The following TPD52L2 variants were observed in gnomAD, a reference collection of about 807,000 sequenced individuals.
TPD52L2 encodes the protein TPD52 like 2.
In TPD52L2, 19 loss-of-function variants were observed where a neutral mutation model predicts 24.7. That is an observed-to-expected ratio of 0.77 (90% CI 0.54 to 1.13). The LOEUF is 1.13. Among genes scored for constraint, TPD52L2 ranks in the 50% most tolerant of loss-of-function variants. TPD52L2 has a pLI of 0.00. For synonymous variants in TPD52L2, 104 were observed against 100.2 expected (o/e 1.04, Z -0.23); for missense variants, 236 against 250.4 (o/e 0.94, Z 0.39).
In TPD52L2 at chr20:63,890,050, C is replaced by T. The variant is rs941660698; in HGVS notation, c.*105C>T. 37 of 1,561,062 alleles carry T rather than the reference C, an allele frequency of 2.4e-5. No homozygotes were observed. The highest frequency in any genetic ancestry group is 3.5e-4 in the Middle Eastern group (2 of 5,740). ...GCCAGCCAGGGCGGATGAGCAGAGC[C>T]GGCCCTGAGGACAGTCCTGCCCATC... On this transcript the variant is annotated 3_prime_UTR_variant, in exon 7 of 7. Coordinates refer to ENST00000346249, the MANE Select transcript of TPD52L2 (RefSeq NM_003288.4).
intron 1 of TPD52L2, among the ~76,000 whole-genome samples, chr20:63,865,965 ACAGTCTCCCCAGAG>A (rs1477477377): frequency 3.3e-5 from 5 of 152,138 alleles, no homozygotes; most frequent in Admixed American, 1.3e-4. Flanking sequence ...TGTTTCCAGA[ACAGTCTCCCCAGAG>A]CAGTATGAGA....
At chr20:63,874,229 TGTG>T (rs1202915685) in intron 3 of TPD52L2, among the ~76,000 whole-genome samples, 1,872 of 95,616 alleles carry the variant, frequency 0.02, 50 homozygotes, top group African/African-American at 0.069. Context: ...TTTTTTTTTT[TGTG>T]TGTGTGTGTG....
At chr20:63,887,498 G>C in intron 5 of TPD52L2, 2 of 1,558,930 alleles carry the variant, frequency 1.3e-6, no homozygotes, top group South Asian at 2.2e-5. Flanking sequence ...TGCCAAGTTG[G>C]GGTTGTGTGT....
intron 5 of TPD52L2, chr20:63,887,780 G>A: frequency 3.0e-6 from 2 of 658,202 alleles, no homozygotes; most frequent in Non-Finnish European, 5.3e-6. Flanking sequence ...GGCTGACGAG[G>A]AAGAGCTGGT....
At chr20:63,873,406 T>A (rs2052540522) in intron 2 of TPD52L2, among the ~76,000 whole-genome samples, 1 of 151,848 alleles carries the variant, frequency 6.6e-6, no homozygotes, top group Non-Finnish European at 1.5e-5. Flanking sequence ...GGAGAATCAC[T>A]TGAATCTGAA....
chr20:63,867,879 C>T (rs2052316099), intron 1 of TPD52L2, among the ~76,000 whole-genome samples: 1 of 150,196 alleles, frequency 6.7e-6, no homozygotes, highest in African/African-American at 2.4e-5. Flanking sequence ...CTCAGGTGAT[C>T]CGCCCGCCTC....
intron 2 of TPD52L2, among the ~76,000 whole-genome samples, chr20:63,872,189 C>T (rs2052493636): frequency 1.3e-5 from 2 of 151,966 alleles, no homozygotes. Context: ...AGGTTTGGAA[C>T]TGACCTCAGG....
chr20:63,872,025 C>T (rs1361679176), intron 2 of TPD52L2, among the ~76,000 whole-genome samples: 2 of 151,214 alleles, frequency 1.3e-5, no homozygotes, highest in Non-Finnish European at 2.9e-5. Context: ...AATGATGCCC[C>T]TTTCAGAGGT....
intron 2 of TPD52L2, 36 bp from the exon 3 acceptor site, chr20:63,873,632 A>G (rs2052549527): frequency 1.9e-6 from 3 of 1,607,524 alleles, no homozygotes; most frequent in Non-Finnish European, 2.5e-6. Context: ...TTCCTGCAGT[A>G]GTGATGGCTC....
At chr20:63,881,431 G>A (rs746826455) in intron 4 of TPD52L2, among the ~76,000 whole-genome samples, 18 of 152,104 alleles carry the variant, frequency 1.2e-4, no homozygotes, top group African/African-American at 3.9e-4. Flanking sequence ...AGAGAGCTGC[G>A]CTGGGATGCG....
intron 4 of TPD52L2, among the ~76,000 whole-genome samples, chr20:63,881,373 A>AT (rs2052892727): frequency 6.7e-6 from 1 of 150,324 alleles, no homozygotes. Flanking sequence ...AAAAAAAAAA[A>AT]GAAAGAAAGT....
At position 63,877,015 on chromosome 20, in the gene TPD52L2, G is replaced by T. The variant is rs1373878083; in HGVS notation, c.374+1140G>T. 4 of 444,920 alleles carry T rather than the reference G, an allele frequency of 9.0e-6. No individual in the cohort carries two copies. Among genetic ancestry groups the T allele is most frequent in the Non-Finnish European group, 1.8e-5 (4 of 224,166 alleles). 27.6% of individuals were successfully genotyped at this position (444,920 alleles called of 1,614,324 possible). A position where few individuals can be genotyped will look rare whatever the true frequency, so the allele number is the denominator to read the frequency against. On this transcript the variant is annotated intron_variant, in intron 4 of 6. Coordinates refer to ENST00000346249, the MANE Select transcript of TPD52L2 (RefSeq NM_003288.4). The surrounding 1 kb of genome is among the most constrained non-coding windows in gnomAD (Gnocchi z 4.1). The stretch of plus-strand genomic sequence containing the variant: ...GGTGGTTCATGGCATGTTGCCCTGG[G>T]TTTTTTTTGTTTGTTTGGTTTTTTT...
intron 5 of TPD52L2, chr20:63,886,138 G>A (rs978936000): frequency 2.3e-5 from 29 of 1,259,594 alleles, no homozygotes; most frequent in Non-Finnish European, 2.8e-5. Context: ...GCTAGTAGAG[G>A]GCAGTGAAAG....
chr20:63,885,621 A>G (rs1043153431), intron 5 of TPD52L2, among the ~76,000 whole-genome samples: 1 of 152,216 alleles, frequency 6.6e-6, no homozygotes, highest in Admixed American at 6.5e-5. Context: ...CCCAGCTGTC[A>G]TGCTGTGGCA....
chr20:63,877,380 C>T lies in TPD52L2; in HGVS notation c.374+1505C>T, dbSNP rs1231103178. Among the ~76,000 whole-genome samples, 1 of 152,090 alleles carries T rather than the reference C, an allele frequency of 6.6e-6. No individual in the cohort carries two copies. The highest frequency in any genetic ancestry group is 1.5e-5 in the Non-Finnish European group (1 of 68,018). ...TTCATGGTGTTAGCCAGGATGGTTT[C>T]GATCTCCTGACCTCGTGATCCGCCC... On this transcript the variant is annotated intron_variant, in intron 4 of 6. Coordinates refer to ENST00000346249, the MANE Select transcript of TPD52L2 (RefSeq NM_003288.4). This position sits in a 1 kb window ranked among gnomAD's most constrained non-coding sequence, Gnocchi z 4.1.
At chr20:63,868,072 GCTAA>G (rs1016074165) in intron 1 of TPD52L2, among the ~76,000 whole-genome samples, 5 of 150,184 alleles carry the variant, frequency 3.3e-5, no homozygotes, top group African/African-American at 1.2e-4. Flanking sequence ...GTGCCACCAC[GCTAA>G]CTAATTTTGT....
intron 2 of TPD52L2, 122 bp from the exon 3 acceptor site, chr20:63,873,546 C>A: frequency 8.7e-7 from 1 of 1,144,882 alleles, no homozygotes; most frequent in Non-Finnish European, 1.2e-6. Context: ...GCTGTTATTC[C>A]TAGGACGAGT....
intron 2 of TPD52L2, among the ~76,000 whole-genome samples, chr20:63,871,688 G>A (rs1241250206): frequency 6.9e-6 from 1 of 145,556 alleles, no homozygotes; most frequent in African/African-American, 2.5e-5. Context: ...GGCTGGAGTG[G>A]AATGGTGCGA....
chr20:63,869,156 A>C, intron 1 of TPD52L2, 140 bp from the exon 2 acceptor site: 1 of 959,102 alleles, frequency 1.0e-6, no homozygotes, highest in South Asian at 1.5e-5. Context: ...TGCTGTCCTC[A>C]CAGACCTTTC....
Sources: allele counts gnomAD v4.1 joint callset (sites outside exome capture counted in the v4.1 genomes callset), GRCh38; gene constraint gnomAD v4.1.1; non-coding constraint Gnocchi (gnomAD v3.1); transcripts MANE v1.5; gene names NCBI Gene and HGNC (gene_info 2026-07-23, HGNC 2026-07-21).